GYS2: variants seen among roughly 807,000 people sequenced by gnomAD.
GYS2 encodes the protein glycogen [starch] synthase, liver.
In GYS2, 80 loss-of-function variants were observed where a neutral mutation model predicts 85.6. The observed-to-expected ratio is 0.93, with a 90% confidence interval of 0.78 to 1.13. The LOEUF (loss-of-function observed/expected upper bound fraction) is 1.13, where lower values mean the gene tolerates loss of function less well. GYS2 is among the 50% of genes most tolerant of loss of function. The pLI, the probability that GYS2 is intolerant of heterozygous loss-of-function variation, is 0.00. For missense variants in GYS2, 881 were observed against 854.9 expected, an observed-to-expected ratio of 1.03 and a Z score of -0.38; for synonymous variants, 328 against 300.7, an observed-to-expected ratio of 1.09 and a Z score of -0.94.
chr12:21,555,708 A>G (rs931966454), intron 11 of GYS2, among the ~76,000 whole-genome samples: 3 of 151,990 alleles, frequency 2.0e-5, no homozygotes, highest in Non-Finnish European at 4.4e-5. Flanking sequence ...CCTGTTTTAC[A>G]TTCCTTCCCT....
chr12:21,546,465 A>T lies in GYS2; in HGVS notation c.1428T>A (p.Ile476=), dbSNP rs1944040996. The T allele has an allele frequency of 6.3e-7, 1 of 1,594,926 alleles. No individual in the cohort carries two copies. The highest frequency in any genetic ancestry group is 1.7e-5 in the Admixed American group (1 of 59,188). Residue 476 remains isoleucine (I), a synonymous_variant, in exon 12 of 16, where the codon ATT becomes ATA. Coordinates refer to ENST00000261195, the MANE Select transcript of GYS2 (RefSeq NM_021957.4). ...TGGAGGATAGAAACTCTGGGTGCAA[A>T]ATCACCTAAAAAAGGAAAATTCTAA... ...FNNRTDRVKV[I]LHPEFLSSTS...
At chr12:21,569,078 C>A in intron 4 of GYS2, 69 bp from the exon 5 acceptor site, 2 of 1,510,854 alleles carry the variant, frequency 1.3e-6, no homozygotes, top group Non-Finnish European at 1.8e-6. Flanking sequence ...AACAAAATCA[C>A]ACATTTCACC....
intron 1 of GYS2, among the ~76,000 whole-genome samples, chr12:21,591,945 G>C (rs1239534178): frequency 2.0e-5 from 3 of 152,088 alleles, no homozygotes. Context: ...AGAAAAATTT[G>C]AAGGAATTCA....
intron 10 of GYS2, among the ~76,000 whole-genome samples, chr12:21,558,829 A>G (rs1944215735): frequency 6.6e-6 from 1 of 152,232 alleles, no homozygotes; most frequent in Admixed American, 6.5e-5. Context: ...TAAACTATAC[A>G]TAATTTTTAT....
chr12:21,559,036 G>C, intron 10 of GYS2, 55 bp downstream of exon 10: 1 of 1,008,718 alleles, frequency 9.9e-7, no homozygotes, highest in South Asian at 1.4e-5. Context: ...TTAAAATACT[G>C]ATTAGATAGA....
chr12:21,555,201 GT>G (rs1944164117), intron 11 of GYS2, among the ~76,000 whole-genome samples: 1 of 152,060 alleles, frequency 6.6e-6, no homozygotes, highest in African/African-American at 2.4e-5. Flanking sequence ...ACCAGCTTAG[GT>G]TAAACTATAT....
intron 3 of GYS2, among the ~76,000 whole-genome samples, chr12:21,574,980 A>G (rs555902598): frequency 6.6e-6 from 1 of 152,246 alleles, no homozygotes; most frequent in Admixed American, 6.5e-5. Flanking sequence ...TTGGATTTTC[A>G]ATGACTTGAA....
At chr12:21,537,445 A>G (rs1404601524) in intron 15 of GYS2, 1 of 439,408 alleles carries the variant, frequency 2.3e-6, no homozygotes, top group Non-Finnish European at 4.1e-6. Context: ...TCTGATAAAT[A>G]TGTTTTTTTC....
intron 1 of GYS2, among the ~76,000 whole-genome samples, chr12:21,598,908 C>T (rs1944724112): frequency 1.3e-5 from 2 of 152,022 alleles, no homozygotes; most frequent in Admixed American, 1.3e-4. Flanking sequence ...ACAACTTTCA[C>T]CTGAAAGAAA....
At chr12:21,583,575 A>G (rs1944536479) in intron 1 of GYS2, among the ~76,000 whole-genome samples, 1 of 152,216 alleles carries the variant, frequency 6.6e-6, no homozygotes, top group East Asian at 1.9e-4. Flanking sequence ...AGTGCCAGAT[A>G]GGGATGCTGT....
intron 7 of GYS2, among the ~76,000 whole-genome samples, chr12:21,562,698 C>CAAAA (rs60049724): frequency 9.2e-5 from 9 of 98,268 alleles, no homozygotes; most frequent in African/African-American, 2.4e-4. Context: ...TAAGATTCTC[C>CAAAA]AAAAAAAAAA....
Position 21,540,447 on chromosome 12 carries a change from C to T in GYS2, c.1772G>A (p.Arg591Lys), listed in dbSNP as rs1198883204. The T allele has an allele frequency of 6.2e-7, 1 of 1,613,932 alleles. No individual in the cohort carries two copies. The highest frequency in any genetic ancestry group is 8.5e-7 in the Non-Finnish European group (1 of 1,179,964). The change falls in exon 14 of 16, where the codon AGG (arginine) becomes AAG (lysine). Residue 591 changes from arginine to lysine, a missense_variant. Arg to Lys is a conservative substitution (Grantham distance 26). Transcript: ENST00000261195. ...QRIIQRNRTE[R>K]LSDLLDWRYL... The stretch of plus-strand genomic sequence containing the variant: ...TCTCCAATCCAGAAGATCTGAGAGC[C>T]TCTCAGTTCTGTTCCTCTGGATAAT...
Position 21,537,059 on chromosome 12 carries a change from A to G in GYS2, c.2007T>C (p.Asp669=), listed in dbSNP as rs753403962. 119 of 1,613,868 alleles carry G rather than the reference A, an allele frequency of 7.4e-5. No homozygotes were observed. The highest frequency in any genetic ancestry group is 9.3e-5 in the Non-Finnish European group (110 of 1,179,830). ...GATCCCTTTCAGCCTCCTCTTCCTC[A>G]TCGTATCTCTCATCCTCCACTTCAT... The part of the protein sequence containing the change: ...VEDEVEDERY[D]EEEEAERDRL... The change falls in exon 16 of 16, where the codon GAT becomes GAC. Residue 669 remains aspartate (D), a synonymous_variant. Transcript: ENST00000261195.
At position 21,604,535 on chromosome 12, in the gene GYS2, C is replaced by T. The variant is rs1944786001; in HGVS notation, c.58G>A (p.Val20Ile). 2 of 1,612,784 alleles carry T rather than the reference C, an allele frequency of 1.2e-6. No homozygotes were observed. Among genetic ancestry groups the T allele is most frequent in the African/African-American group, 2.7e-5 (2 of 74,870 alleles). The part of the protein sequence containing the change: ...TSLGGLPQWE[V>I]EELPVEELLL... ...AACTCCTCCACAGGAAGTTCTTCGA[C>T]TTCCCACTGGGGAAGCCCACCCAGG... Residue 20 changes from valine to isoleucine, a missense_variant, in exon 1 of 16, where the codon GTC (valine) becomes ATC (isoleucine). Val to Ile is a conservative substitution (Grantham distance 29). Transcript: ENST00000261195.
In GYS2 at chr12:21,540,292, C is replaced by G. The variant is rs554941325; in HGVS notation, c.1809+118G>C. 18 of 930,904 alleles carry G rather than the reference C, an allele frequency of 1.9e-5. No individual in the cohort carries two copies. In the African/African-American group the frequency reaches 3.0e-4, roughly 15 times the overall value. The allele number at this position is 930,904 out of a possible 1,614,324, so 57.7% of individuals were successfully genotyped here. On this transcript the variant is annotated intron_variant, in intron 14 of 15. Transcript: ENST00000261195. The stretch of plus-strand genomic sequence containing the variant: ...AAATTTTAAAAAGTACATGGAGACA[C>G]TGAGATTTTAACAATTATAATATTG...
At chr12:21,564,592 C>T (rs78161628) in intron 5 of GYS2, among the ~76,000 whole-genome samples, 4,581 of 152,236 alleles carry the variant, frequency 0.03, 127 homozygotes, top group Non-Finnish European at 0.041. Flanking sequence ...CACTCTTTTA[C>T]ATACATGGCC....
At chr12:21,569,627 A>G (rs1944362988) in intron 4 of GYS2, among the ~76,000 whole-genome samples, 1 of 152,236 alleles carries the variant, frequency 6.6e-6, no homozygotes, top group African/African-American at 2.4e-5. Flanking sequence ...AATCACTTAA[A>G]TAACTGGCAA....
intron 7 of GYS2, among the ~76,000 whole-genome samples, chr12:21,562,486 T>C (rs889723135): frequency 6.6e-6 from 1 of 152,174 alleles, no homozygotes; most frequent in African/African-American, 2.4e-5. Flanking sequence ...CGTATTGTCA[T>C]GTGCATAAGC....
intron 9 of GYS2, 85 bp from the exon 10 acceptor site, chr12:21,559,254 A>G: frequency 3.0e-6 from 2 of 659,798 alleles, no homozygotes; most frequent in Non-Finnish European, 5.3e-6. Flanking sequence ...TATATTATAT[A>G]TTTCATGTAT....
Sources: allele counts gnomAD v4.1 joint callset (sites outside exome capture counted in the v4.1 genomes callset), GRCh38; gene constraint gnomAD v4.1.1; transcripts MANE v1.5; gene names NCBI Gene and HGNC (gene_info 2026-07-23, HGNC 2026-07-21).